PARD3: variants seen among roughly 807,000 people sequenced by gnomAD.
PARD3 encodes the protein partitioning defective 3 homolog.
PARD3 carries 75 observed loss-of-function variants against 155.4 expected under a neutral mutation model. That is an observed-to-expected ratio of 0.48 (90% CI 0.40 to 0.58). The LOEUF is 0.58. PARD3 is among the 20% of genes least tolerant of loss of function. PARD3 has a pLI of 0.00. For missense variants in PARD3, 1,642 were observed against 1,721.7 expected (o/e 0.95, Z 0.82); for synonymous variants, 576 against 610.5 (o/e 0.94, Z 0.83).
chr10:34,118,531 A>G (rs1394784410), intron 24 of PARD3, among the ~76,000 whole-genome samples: 1 of 151,894 alleles, frequency 6.6e-6, no homozygotes, highest in Non-Finnish European at 1.5e-5. Flanking sequence ...TTTTTTATGG[A>G]GATAGTGTTT....
At chr10:34,801,248 A>G (rs1842817392) in intron 1 of PARD3, among the ~76,000 whole-genome samples, 1 of 152,220 alleles carries the variant, frequency 6.6e-6, no homozygotes, top group Non-Finnish European at 1.5e-5. Context: ...ACTCACATGA[A>G]AAAATGTTTA....
intron 4 of PARD3, among the ~76,000 whole-genome samples, chr10:34,458,955 G>A (rs959365797): frequency 2.6e-5 from 4 of 152,072 alleles, no homozygotes; most frequent in Non-Finnish European, 5.9e-5. Context: ...AAACAAGAAG[G>A]GTGAGTGTGT....
At position 34,625,960 on chromosome 10, in the gene PARD3, T is replaced by G. The variant is rs549979041; in HGVS notation, c.222+70358A>C. Among the ~76,000 whole-genome samples, 4 of 152,288 alleles carry G rather than the reference T, an allele frequency of 2.6e-5. 1 individual carries two copies. The highest frequency in any genetic ancestry group is 9.6e-5 in the African/African-American group (4 of 41,566). The stretch of plus-strand genomic sequence containing the variant: ...ACTTCACCAGAGCCCCATCTTAATG[T>G]GGGGACAGGTTCTTAAGTCTAACTC... On this transcript the variant is annotated intron_variant, in intron 2 of 24. Transcript: ENST00000374788.
intron 5 of PARD3, among the ~76,000 whole-genome samples, chr10:34,413,577 T>C (rs1282370630): frequency 7.9e-5 from 12 of 152,174 alleles, no homozygotes; most frequent in African/African-American, 2.9e-4. Flanking sequence ...CAGATTCTTC[T>C]TTATCTCTAA....
At chr10:34,176,861 T>G (rs1589027207) in intron 22 of PARD3, among the ~76,000 whole-genome samples, 2 of 152,228 alleles carry the variant, frequency 1.3e-5, no homozygotes, top group African/African-American at 4.8e-5. Flanking sequence ...TTTCCTTGGT[T>G]ACAAAATTGT....
Position 34,309,548 on chromosome 10 carries a change from C to CAAAAAAAAAAAAAAAAAAAAAAAAAAAAA in PARD3, c.3065+7530_3065+7558dup, listed in dbSNP as rs1173904388. 7.8e-5 allele frequency among the ~76,000 whole-genome samples: 5 copies of CAAAAAAAAAAAAAAAAAAAAAAAAAAAAA among 64,002 alleles called. 1 individual carries two copies. The highest frequency in any genetic ancestry group is 1.5e-3 in the East Asian group (2 of 1,298). 42.0% of individuals were successfully genotyped at this position (64,002 alleles called of 152,430 possible). A position where few individuals can be genotyped will look rare whatever the true frequency, so the allele number is the denominator to read the frequency against. ...CTCCTGCTGAGCAAGACCCTGTCTC[C>CAAAAAAAAAAAAAAAAAAAAAAAAAAAAA]AAAAAAAAAAAAAAAAAAAAAAAAA... On this transcript the variant is annotated intron_variant, in intron 20 of 24. Coordinates refer to ENST00000374788, the MANE Select transcript of PARD3 (RefSeq NM_001184785.2).
chr10:34,388,571 A>G (rs1842574746), intron 7 of PARD3, among the ~76,000 whole-genome samples: 1 of 152,234 alleles, frequency 6.6e-6, no homozygotes, highest in African/African-American at 2.4e-5. Context: ...ACTCAACTAG[A>G]AATCAGAATT....
intron 2 of PARD3, among the ~76,000 whole-genome samples, chr10:34,604,510 G>A (rs1157531414): frequency 1.3e-5 from 2 of 151,436 alleles, no homozygotes; most frequent in African/African-American, 4.9e-5. Context: ...TCAGCTTGCA[G>A]ATGGCCTATT....
chr10:34,487,151 C>T (rs2079531906), intron 3 of PARD3, among the ~76,000 whole-genome samples: 1 of 152,120 alleles, frequency 6.6e-6, no homozygotes, highest in South Asian at 2.1e-4. Context: ...CTACAGAAGG[C>T]CAAAGAGGCT....
intron 3 of PARD3, among the ~76,000 whole-genome samples, chr10:34,486,709 G>A (rs2079496497): frequency 6.6e-6 from 1 of 152,160 alleles, no homozygotes; most frequent in African/African-American, 2.4e-5. Context: ...CAGTAGGTCT[G>A]GAATGGGTAG....
intron 15 of PARD3, chr10:34,343,652 T>C (rs1473545327): frequency 3.0e-6 from 3 of 985,224 alleles, no homozygotes; most frequent in African/African-American, 1.7e-5. Flanking sequence ...TAAAAAACTT[T>C]ACATATTCTA....
chr10:34,674,662 T>C (rs1028543986), intron 2 of PARD3, among the ~76,000 whole-genome samples: 1 of 151,866 alleles, frequency 6.6e-6, no homozygotes, highest in Non-Finnish European at 1.5e-5. Flanking sequence ...AATTTTCGTA[T>C]TTTTAGTAGA....
intron 20 of PARD3, among the ~76,000 whole-genome samples, chr10:34,298,859 T>C (rs1338068614): frequency 6.6e-6 from 1 of 152,200 alleles, no homozygotes; most frequent in Non-Finnish European, 1.5e-5. Context: ...CATATGATCT[T>C]TGGACTTCCA....
At chr10:34,545,687 T>TG (rs2083988601) in intron 2 of PARD3, among the ~76,000 whole-genome samples, 1 of 152,102 alleles carries the variant, frequency 6.6e-6, no homozygotes. Flanking sequence ...CTAGAGTAAC[T>TG]GGGATTACAG....
At chr10:34,222,803 A>AT (rs1952373986) in intron 22 of PARD3, among the ~76,000 whole-genome samples, 1 of 152,206 alleles carries the variant, frequency 6.6e-6, no homozygotes, top group Non-Finnish European at 1.5e-5. Flanking sequence ...TCACAGCACG[A>AT]TAAGTCCAAG....
Position 34,480,689 on chromosome 10 carries a change from CA to C in PARD3, c.404-10427del, listed in dbSNP as rs370051213. On this transcript the variant is annotated intron_variant, in intron 3 of 24. Transcript: ENST00000374788. ...TTGGCTAAGATATATCAGTCAGGAACAAAAATACTTCCCAATTCGTTTTTTA... is the reference window on the plus strand; with the variant it reads ...TTGGCTAAGATATATCAGTCAGGAACAAAATACTTCCCAATTCGTTTTTTA... Among the ~76,000 whole-genome samples, 371 of 151,456 alleles carry C rather than the reference CA, an allele frequency of 2.4e-3. 1 individual carries two copies. Among genetic ancestry groups the C allele is most frequent in the African/African-American group, 8.5e-3 (350 of 41,376 alleles).
rs113283151 is a variant in PARD3, at chr10:34,725,457, G to A, written c.121-29038C>T. On this transcript the variant is annotated intron_variant, in intron 1 of 24. Coordinates refer to ENST00000374788, the MANE Select transcript of PARD3 (RefSeq NM_001184785.2). ...GGTGTGAGCCACCACGCCCAGCCCA[G>A]TCAAAACTTTTCAAGCTCTCCGAAT... 5.5e-3 allele frequency among the ~76,000 whole-genome samples: 841 copies of A among 152,038 alleles called. 8 individuals carry two copies. Among genetic ancestry groups the A allele is most frequent in the African/African-American group, 0.019 (798 of 41,490 alleles).
intron 2 of PARD3, among the ~76,000 whole-genome samples, chr10:34,604,524 G>A (rs1938206601): frequency 6.7e-6 from 1 of 150,320 alleles, no homozygotes; most frequent in Non-Finnish European, 1.5e-5. Context: ...GCCTATTATG[G>A]GACTTTGTGA....
intron 2 of PARD3, among the ~76,000 whole-genome samples, chr10:34,553,634 G>A (rs1285577623): frequency 2.6e-5 from 4 of 152,198 alleles, no homozygotes; most frequent in South Asian, 2.1e-4. Flanking sequence ...AAGACAACTC[G>A]GGATGAAAAC....
Sources: allele counts gnomAD v4.1 joint callset (sites outside exome capture counted in the v4.1 genomes callset), GRCh38; gene constraint gnomAD v4.1.1; transcripts MANE v1.5; gene names NCBI Gene and HGNC (gene_info 2026-07-23, HGNC 2026-07-21).